The following ADGRL3 variants were observed in gnomAD, a reference collection of about 807,000 sequenced individuals.
ADGRL3 encodes the protein adhesion G protein-coupled receptor L3.
Under a neutral mutation model 153.5 loss-of-function variants are expected in ADGRL3, and 62 were observed. The observed-to-expected ratio is 0.40, with a 90% CI of 0.33 to 0.50. The LOEUF (loss-of-function observed/expected upper bound fraction) is 0.50, where lower values mean the gene tolerates loss of function less well. Among genes scored for constraint, ADGRL3 ranks in the 20% least tolerant of loss-of-function variants. ADGRL3 has a pLI of 0.47. For synonymous variants in ADGRL3, 710 were observed against 672.5 expected (o/e 1.06, Z -0.86); for missense variants, 1,641 against 1,859.4 (o/e 0.88, Z 2.16).
At chr4:61,716,131 T>C (rs1431962685) in intron 6 of ADGRL3, among the ~76,000 whole-genome samples, 1 of 152,106 alleles carries the variant, frequency 6.6e-6, no homozygotes, top group Non-Finnish European at 1.5e-5. Flanking sequence ...TTTTTGGTGA[T>C]AAATTTAAGA....
intron 24 of ADGRL3, among the ~76,000 whole-genome samples, chr4:62,038,239 A>G (rs1275476568): frequency 3.3e-5 from 5 of 152,130 alleles, no homozygotes; most frequent in African/African-American, 1.2e-4. Flanking sequence ...ATTATCACAA[A>G]CTGACACAAT....
intron 9 of ADGRL3, among the ~76,000 whole-genome samples, chr4:61,869,681 A>G (rs1045770364): frequency 1.2e-4 from 18 of 151,610 alleles, no homozygotes; most frequent in African/African-American, 4.1e-4. Context: ...AAAGTGAGGA[A>G]TAATCCCAAC....
At chr4:61,205,353 C>G (rs148662320) in intron 1 of ADGRL3, among the ~76,000 whole-genome samples, 1 of 152,158 alleles carries the variant, frequency 6.6e-6, no homozygotes, top group African/African-American at 2.4e-5. Context: ...TAGGATCAAA[C>G]AGTGATTTTA....
At chr4:61,391,442 C>A (rs1346679030) in intron 2 of ADGRL3, among the ~76,000 whole-genome samples, 1 of 152,198 alleles carries the variant, frequency 6.6e-6, no homozygotes, top group African/African-American at 2.4e-5. Context: ...CCAGGCTACA[C>A]CTCTGGCATT....
chr4:61,993,024 GTGTTTTAGT>G (rs1391196654), intron 19 of ADGRL3, among the ~76,000 whole-genome samples: 50 of 152,004 alleles, frequency 3.3e-4, no homozygotes, highest in African/African-American at 1.2e-3. Flanking sequence ...TTCTGAAAAT[GTGTTTTAGT>G]TCTCAGATTA....
At chr4:61,921,833 CTT>C (rs1386335920) in intron 13 of ADGRL3, among the ~76,000 whole-genome samples, 2 of 152,082 alleles carry the variant, frequency 1.3e-5, no homozygotes, top group Non-Finnish European at 2.9e-5. Flanking sequence ...AGAGAAAAGA[CTT>C]TGGGGATAAC....
chr4:61,874,376 G>A (rs941269900), intron 9 of ADGRL3, among the ~76,000 whole-genome samples: 1 of 152,144 alleles, frequency 6.6e-6, no homozygotes, highest in African/African-American at 2.4e-5. Context: ...TGGAAAATCT[G>A]CTTACAAGAT....
chr4:61,297,132 T>A (rs2094437184), intron 1 of ADGRL3, among the ~76,000 whole-genome samples: 2 of 152,190 alleles, frequency 1.3e-5, no homozygotes, highest in Non-Finnish European at 2.9e-5. Flanking sequence ...AGCCTATTTC[T>A]GTGTTTGATG....
At chr4:61,601,009 T>C (rs1220895848) in intron 5 of ADGRL3, among the ~76,000 whole-genome samples, 4 of 152,174 alleles carry the variant, frequency 2.6e-5, no homozygotes, top group Admixed American at 6.5e-5. Flanking sequence ...TTTTTTTTAT[T>C]TGGGGGCATT....
chr4:61,310,271 A>G (rs1437082158), intron 1 of ADGRL3, among the ~76,000 whole-genome samples: 1 of 151,970 alleles, frequency 6.6e-6, no homozygotes, highest in Admixed American at 6.6e-5. Context: ...TTAACCACTC[A>G]GTGATTATTT....
chr4:61,400,966 A>G (rs2096923453), intron 2 of ADGRL3, among the ~76,000 whole-genome samples: 1 of 151,762 alleles, frequency 6.6e-6, no homozygotes, highest in Non-Finnish European at 1.5e-5. Flanking sequence ...TTATTTTTAT[A>G]GCACCTTTTC....
intron 13 of ADGRL3, among the ~76,000 whole-genome samples, chr4:61,930,991 A>G (rs72638602): frequency 0.013 from 1,936 of 152,294 alleles, 21 homozygotes; most frequent in Admixed American, 0.019. Flanking sequence ...AAATATAGGT[A>G]TTCATTGAGG....
At chr4:61,288,550 C>T (rs1445801613) in intron 1 of ADGRL3, among the ~76,000 whole-genome samples, 5 of 151,948 alleles carry the variant, frequency 3.3e-5, no homozygotes, top group Non-Finnish European at 7.4e-5. Context: ...CAGAAGTCTT[C>T]AAGCACTCTA....
chr4:61,736,386 G>T (rs894126326), intron 8 of ADGRL3, among the ~76,000 whole-genome samples: 3 of 152,196 alleles, frequency 2.0e-5, no homozygotes, highest in Admixed American at 2.0e-4. Flanking sequence ...GGGCGTGGTG[G>T]CTCTTGCCTG....
At chr4:61,289,680 A>T (rs2094095481) in intron 1 of ADGRL3, among the ~76,000 whole-genome samples, 1 of 152,042 alleles carries the variant, frequency 6.6e-6, no homozygotes, top group East Asian at 1.9e-4. Flanking sequence ...TGATGTACCA[A>T]GGATTTTCTA....
intron 1 of ADGRL3, among the ~76,000 whole-genome samples, chr4:61,344,421 C>T (rs1160414215): frequency 6.6e-6 from 1 of 152,188 alleles, no homozygotes; most frequent in Non-Finnish European, 1.5e-5. Flanking sequence ...ACAAAAGTCA[C>T]TGTCAGAGAC....
intron 1 of ADGRL3, among the ~76,000 whole-genome samples, chr4:61,237,419 TC>T (rs1753260698): frequency 6.6e-6 from 1 of 152,168 alleles, no homozygotes; most frequent in Admixed American, 6.5e-5. Context: ...TTTCTGTTAG[TC>T]CTTATTCTTT....
chr4:62,053,618 A>G (rs1245108046), intron 25 of ADGRL3, among the ~76,000 whole-genome samples: 1 of 151,556 alleles, frequency 6.6e-6, no homozygotes, highest in African/African-American at 2.4e-5. Context: ...AAAAATAGAA[A>G]CAATATGTTT....
intron 8 of ADGRL3, among the ~76,000 whole-genome samples, chr4:61,751,788 A>C (rs2096760090): frequency 6.6e-6 from 1 of 152,176 alleles, no homozygotes; most frequent in African/African-American, 2.4e-5. Flanking sequence ...ATTCAGACGT[A>C]TTGCTAACAA....
Sources: gnomAD v4.1 joint callset for allele counts (sites outside exome capture counted in the v4.1 genomes callset) on GRCh38, gnomAD v4.1.1 for gene constraint, MANE v1.5 for transcripts, NCBI Gene and HGNC (gene_info 2026-07-23, HGNC 2026-07-21) for gene names.